FSTL4: variants seen among roughly 807,000 people sequenced by gnomAD.
The protein encoded by FSTL4 is follistatin-related protein 4.
FSTL4 carries 28 observed loss-of-function variants against 78.2 expected under a neutral mutation model. That is an observed-to-expected ratio of 0.36 (90% confidence interval 0.27 to 0.49). The LOEUF (loss-of-function observed/expected upper bound fraction) is 0.49. FSTL4 is among the 20% of genes least tolerant of loss of function. The probability of loss-of-function intolerance (pLI) is 0.98; values close to 1 mark genes in which losing one functional copy is unlikely to be tolerated. For missense variants in FSTL4, 922 were observed against 1,084.9 expected, an observed-to-expected ratio of 0.85 and a Z score of 2.11; for synonymous variants, 422 against 440.5, an observed-to-expected ratio of 0.96 and a Z score of 0.53.
In FSTL4 at chr5:133,199,533, G is replaced by A. The variant is rs61740558; in HGVS notation, c.2091C>T (p.Asp697=). 4.0e-3 allele frequency: 6,400 copies of A among 1,614,044 alleles called. 185 individuals carry two copies. In the African/African-American group the frequency reaches 0.068, roughly 17 times the overall value. Residue 697 remains aspartate (D), a synonymous_variant, in exon 16 of 16, where the codon GAC becomes GAT. Coordinates refer to ENST00000265342, the MANE Select transcript of FSTL4 (RefSeq NM_015082.2). The surrounding 1 kb of genome is among the most constrained non-coding windows in gnomAD (Gnocchi z 4.4). ...DVTGTPHTSP[D]GRFIVSAAAD... Reference sequence around the variant, plus strand: ...CTGCAGCACTGACTATGAAGCGCCCGTCGGGGGATGTGTGTGGGGTGCCTG... The same window carrying A: ...CTGCAGCACTGACTATGAAGCGCCCATCGGGGGATGTGTGTGGGGTGCCTG...
chr5:133,612,699 C>G (rs386393), upstream of FSTL4: 130,948 of 151,500 alleles, frequency 0.86, 56,694 homozygotes, highest in East Asian at 0.97. This position sits in a 1 kb window ranked among gnomAD's most constrained non-coding sequence, Gnocchi z 6.2. Context: ...GCGATGACTC[C>G]GGAGCGCTGG....
chr5:133,623,328 T>C, the FSTL4 span, among the ~76,000 whole-genome samples: 1 of 152,040 alleles, frequency 6.6e-6, no homozygotes, highest in African/African-American at 2.4e-5. Context: ...TGGAATAGAA[T>C]TGAGAGTCCA....
the FSTL4 span, among the ~76,000 whole-genome samples, chr5:133,694,425 A>G: frequency 6.6e-6 from 1 of 152,352 alleles, no homozygotes; most frequent in African/African-American, 2.4e-5. Flanking sequence ...TTCACCCACA[A>G]AACATTAACT....
At chr5:133,456,405 C>T (rs936329839) in intron 3 of FSTL4, among the ~76,000 whole-genome samples, 1 of 152,224 alleles carries the variant, frequency 6.6e-6, no homozygotes, top group Non-Finnish European at 1.5e-5. Context: ...CTGGGTTACA[C>T]ACTTGGCTAG....
chr5:133,504,176 C>T lies in FSTL4; in HGVS notation c.160+63010G>A, dbSNP rs759573296. ...GATTTGGGTGGGAACACAGCCAAAC[C>T]GTATCAATCATTTACCCCCAAAAGA... is the stretch of plus-strand genomic sequence containing the variant. On this transcript the variant is annotated intron_variant, in intron 3 of 15. Transcript: ENST00000265342. 3.9e-5 allele frequency among the ~76,000 whole-genome samples: 6 copies of T among 151,948 alleles called. No homozygotes were observed. The East Asian group carries it at 7.7e-4, about 20-fold the overall frequency.
At chr5:133,758,853 G>C in the FSTL4 span, among the ~76,000 whole-genome samples, 1 of 152,198 alleles carries the variant, frequency 6.6e-6, no homozygotes, top group African/African-American at 2.4e-5. Context: ...AGGTGTGGCT[G>C]GCTGGCAAGT....
the FSTL4 span, among the ~76,000 whole-genome samples, chr5:133,756,348 G>A: frequency 3.3e-5 from 5 of 151,816 alleles, no homozygotes; most frequent in Admixed American, 1.3e-4. Flanking sequence ...ACATGGAGCC[G>A]TGCCATCATA....
intron 6 of FSTL4, among the ~76,000 whole-genome samples, chr5:133,269,614 G>GTT (rs1752724726): frequency 6.6e-6 from 1 of 152,248 alleles, no homozygotes; most frequent in Admixed American, 6.5e-5. Flanking sequence ...GGGTTCTGGA[G>GTT]TTTTTCAATC....
chr5:133,666,579 TA>T, the FSTL4 span, among the ~76,000 whole-genome samples: 715 of 140,746 alleles, frequency 5.1e-3, 4 homozygotes, highest in Middle Eastern at 0.011. Flanking sequence ...GTTCTCTGTT[TA>T]AAAAAAAAAA....
At chr5:133,379,590 A>G (rs996035496) in intron 4 of FSTL4, among the ~76,000 whole-genome samples, 3 of 152,216 alleles carry the variant, frequency 2.0e-5, no homozygotes, top group African/African-American at 4.8e-5. Flanking sequence ...CCAGTATCCA[A>G]ATGAAATCTG....
chr5:133,257,712 A>C (rs1238078724), intron 6 of FSTL4, among the ~76,000 whole-genome samples: 1 of 152,100 alleles, frequency 6.6e-6, no homozygotes, highest in Non-Finnish European at 1.5e-5. Context: ...CCTCCTGGTC[A>C]GCAGGAGCAT....
At chr5:133,407,144 G>T (rs1756382639) in intron 3 of FSTL4, among the ~76,000 whole-genome samples, 1 of 152,208 alleles carries the variant, frequency 6.6e-6, no homozygotes, top group Non-Finnish European at 1.5e-5. Context: ...AGAGGCCTAA[G>T]TAGCAACTTC....
At chr5:133,663,864 A>AG in the FSTL4 span, among the ~76,000 whole-genome samples, 3 of 152,292 alleles carry the variant, frequency 2.0e-5, no homozygotes, top group Admixed American at 2.0e-4. Flanking sequence ...CCGGGAGGTG[A>AG]GGGGTCTGGA....
chr5:133,354,526 G>C (rs1754901779), intron 4 of FSTL4, among the ~76,000 whole-genome samples: 1 of 152,182 alleles, frequency 6.6e-6, no homozygotes, highest in Non-Finnish European at 1.5e-5. Flanking sequence ...AGGAAGTAAA[G>C]TGAATCCACA....
At chr5:133,721,911 A>G in the FSTL4 span, among the ~76,000 whole-genome samples, 2 of 152,156 alleles carry the variant, frequency 1.3e-5, no homozygotes, top group Non-Finnish European at 2.9e-5. Context: ...CCCATAATGC[A>G]AATACTTGTT....
At chr5:133,554,889 C>G (rs1759757713) in intron 3 of FSTL4, among the ~76,000 whole-genome samples, 1 of 152,220 alleles carries the variant, frequency 6.6e-6, no homozygotes, top group Non-Finnish European at 1.5e-5. Flanking sequence ...GCACCCTCTG[C>G]ATATTGACGG....
intron 4 of FSTL4, among the ~76,000 whole-genome samples, chr5:133,393,597 C>G (rs1755913944): frequency 6.6e-6 from 1 of 152,220 alleles, no homozygotes; most frequent in Non-Finnish European, 1.5e-5. Context: ...AGTGGAAGGG[C>G]AACTGGAGGG....
the FSTL4 span, among the ~76,000 whole-genome samples, chr5:133,752,619 A>AAATT: frequency 3.0e-3 from 459 of 150,700 alleles, 2 homozygotes; most frequent in African/African-American, 0.011. Flanking sequence ...CAAATAAAAT[A>AAATT]AAATAAAATT....
chr5:133,233,667 C>A, intron 7 of FSTL4, 130 bp from the exon 8 acceptor site: 6 of 1,162,820 alleles, frequency 5.2e-6, no homozygotes, highest in Middle Eastern at 2.4e-4. Flanking sequence ...CTTGCTCAGC[C>A]AGAGCTGTCT....
Sources: gnomAD v4.1 joint callset for allele counts (sites outside exome capture counted in the v4.1 genomes callset) on GRCh38, gnomAD v4.1.1 for gene constraint, Gnocchi (gnomAD v3.1) non-coding constraint, MANE v1.5 for transcripts, NCBI Gene and HGNC (gene_info 2026-07-23, HGNC 2026-07-21) for gene names.